Variants in ZNF627 observed in about 807,000 individuals in gnomAD.
ZNF627 encodes the protein zinc finger protein 627.
Under a neutral mutation model 10.6 loss-of-function variants are expected in ZNF627, and 12 were observed. That is an observed-to-expected ratio of 1.13 (90% CI 0.73 to 1.84). ZNF627 has a LOEUF of 1.84. Ranked by LOEUF, ZNF627 falls within the 40% of genes most tolerant of loss-of-function variation. ZNF627 has a pLI of 0.00. For missense variants in ZNF627, 504 were observed against 568.4 expected, an observed-to-expected ratio of 0.89 and a Z score of 1.15; for synonymous variants, 176 against 187.1, an observed-to-expected ratio of 0.94 and a Z score of 0.48.
rs1973888749 is a variant in ZNF627, at chr19:11,617,277, A to C, written c.774A>C (p.Lys258Asn). ...CCTATGAATGCAAGCAGTGTGGGAAAGCTTTCAGTTGTTCCAAGTACATTC... is the reference window on the plus strand; with the variant it reads ...CCTATGAATGCAAGCAGTGTGGGAACGCTTTCAGTTGTTCCAAGTACATTC... ...DKPYECKQCG[K>N]AFSCSKYIRI... The change falls in exon 4 of 4, where the codon AAA becomes AAC. Residue 258 changes from lysine to asparagine, a missense_variant. Physicochemically the swap from Lys to Asn is moderately conservative, Grantham distance 94. Transcript: ENST00000361113. 1 of 1,613,980 alleles carries C rather than the reference A, an allele frequency of 6.2e-7. No individual in the cohort carries two copies. Among genetic ancestry groups the C allele is most frequent in the East Asian group, 2.2e-5 (1 of 44,878 alleles).
At position 11,617,013 on chromosome 19, in the gene ZNF627, G is replaced by A. The variant is rs1274181600; in HGVS notation, c.510G>A (p.Lys170=). The change falls in exon 4 of 4, where the codon AAG becomes AAA. Residue 170 remains lysine, a synonymous_variant. Transcript: ENST00000361113. ...THPGGKPYDC[K]ECGETFISLV... is the part of the protein sequence containing the mutation. ...CTGGAGGAAAGCCCTATGATTGTAAGGAATGTGGAGAAACCTTTATTTCTC... is the reference window on the plus strand; with the variant it reads ...CTGGAGGAAAGCCCTATGATTGTAAAGAATGTGGAGAAACCTTTATTTCTC... 6.2e-7 allele frequency: 1 copy of A among 1,614,098 alleles called. No individual in the cohort carries two copies. Among genetic ancestry groups the A allele is most frequent in the East Asian group, 2.2e-5 (1 of 44,888 alleles).
At position 11,617,033 on chromosome 19, in the gene ZNF627, T is replaced by C. The variant is rs1973881699; in HGVS notation, c.530T>C (p.Ile177Thr). 1.2e-6 allele frequency: 2 copies of C among 1,614,060 alleles called. No individual in the cohort carries two copies. The highest frequency in any genetic ancestry group is 1.7e-6 in the Non-Finnish European group (2 of 1,179,972). Residue 177 changes from isoleucine to threonine, a missense_variant, in exon 4 of 4, where the codon ATT becomes ACT. Coordinates refer to ENST00000361113, the MANE Select transcript of ZNF627 (RefSeq NM_145295.4). Reference protein sequence around the residue: ...YDCKECGETFISLVSIRRHML... With the variant: ...YDCKECGETFTSLVSIRRHML... ...TGTAAGGAATGTGGAGAAACCTTTA[T>C]TTCTCTTGTAAGCATTCGAAGACAC... is the stretch of plus-strand genomic sequence containing the variant.
chr19:11,611,483 A>G (rs1973771160), intron 1 of ZNF627, among the ~76,000 whole-genome samples: 2 of 152,220 alleles, frequency 1.3e-5, no homozygotes, highest in Admixed American at 1.3e-4. Context: ...TTTTGATGAA[A>G]TAAAATTTGT....
chr19:11,616,633 A>G, intron 3 of ZNF627, 62 bp from the exon 4 acceptor site: 1 of 1,132,530 alleles, frequency 8.8e-7, no homozygotes, highest in Non-Finnish European at 1.2e-6. Flanking sequence ...AATACCTATT[A>G]ATAAATATAA....
chr19:11,599,396 A>T (rs1173603354), intron 1 of ZNF627, among the ~76,000 whole-genome samples: 1 of 152,214 alleles, frequency 6.6e-6, no homozygotes, highest in Non-Finnish European at 1.5e-5. Context: ...GGGGAAAAAC[A>T]GATATGATTC....
intron 1 of ZNF627, among the ~76,000 whole-genome samples, chr19:11,609,471 TTATATATATATATATATATATATATATA>T (rs1168205815): frequency 0.015 from 832 of 54,014 alleles, 43 homozygotes; most frequent in South Asian, 0.027. Context: ...TTAAAAAATT[TTATATATATATATATATATATATATATA>T]TATATATATA....
At chr19:11,615,613 A>G (rs1323857321) in intron 3 of ZNF627, among the ~76,000 whole-genome samples, 2 of 151,746 alleles carry the variant, frequency 1.3e-5, no homozygotes, top group Admixed American at 6.6e-5. Context: ...AAAAAAGAAA[A>G]AAAGAAAATC....
At chr19:11,613,916 A>ATTT (rs35877992) in intron 1 of ZNF627, among the ~76,000 whole-genome samples, 1 of 92,502 alleles carries the variant, frequency 1.1e-5, no homozygotes, top group Non-Finnish European at 2.0e-5. Flanking sequence ...TAGTTACTAG[A>ATTT]TTTTTTTTTT....
intron 1 of ZNF627, among the ~76,000 whole-genome samples, chr19:11,609,534 C>T (rs1195403485): frequency 2.6e-5 from 3 of 115,062 alleles, no homozygotes; most frequent in South Asian, 3.2e-4. Context: ...TTTTCCCCCC[C>T]GAGACTGAGT....
At chr19:11,615,794 T>C (rs1351870609) in intron 3 of ZNF627, among the ~76,000 whole-genome samples, 1 of 146,674 alleles carries the variant, frequency 6.8e-6, no homozygotes, top group Non-Finnish European at 1.5e-5. Context: ...CTTGGCTCAC[T>C]GCAACCTCCG....
intron 3 of ZNF627, 90 bp from the exon 4 acceptor site, chr19:11,616,605 A>G: frequency 2.3e-6 from 2 of 888,144 alleles, no homozygotes; most frequent in Non-Finnish European, 3.3e-6. Context: ...GTATTTAAAA[A>G]CAAGTATATG....
At position 11,614,657 on chromosome 19, in the gene ZNF627, A is replaced by G. The variant is rs1200386429; in HGVS notation, c.130+4A>G. On this transcript the variant is annotated splice_donor_region_variant and intron_variant, in intron 2 of 3. Coordinates refer to ENST00000361113, the MANE Select transcript of ZNF627 (RefSeq NM_145295.4). ...TTCAGGAACCTGGCTTCTGTAGGTAAGGGTGACAATATTCCTTTCCTCAGT... is the reference window on the plus strand; with the variant it reads ...TTCAGGAACCTGGCTTCTGTAGGTAGGGGTGACAATATTCCTTTCCTCAGT... 2.5e-6 allele frequency: 4 copies of G among 1,613,758 alleles called. No individual in the cohort carries two copies. Among genetic ancestry groups the G allele is most frequent in the Admixed American group, 1.7e-5 (1 of 59,974 alleles).
chr19:11,602,402 G>A (rs1050233093), intron 1 of ZNF627, among the ~76,000 whole-genome samples: 2 of 152,228 alleles, frequency 1.3e-5, no homozygotes, highest in Admixed American at 6.5e-5. Flanking sequence ...GTCATAATGA[G>A]AAGAGTGTTT....
At chr19:11,606,327 ACT>A (rs1011761744) in intron 1 of ZNF627, among the ~76,000 whole-genome samples, 1 of 150,092 alleles carries the variant, frequency 6.7e-6, no homozygotes, top group African/African-American at 2.5e-5. Flanking sequence ...ATAGAGCCAG[ACT>A]CTGTCTCAAA....
intron 1 of ZNF627, among the ~76,000 whole-genome samples, chr19:11,609,517 A>ATATATATATATATG (rs1973735189): frequency 1.0e-5 from 1 of 98,044 alleles, no homozygotes; most frequent in Non-Finnish European, 2.1e-5. Flanking sequence ...ATATATATAT[A>ATATATATATATATG]TGTATTTTTT....
chr19:11,614,973 A>G, intron 3 of ZNF627, 86 bp downstream of exon 3: 3 of 1,094,082 alleles, frequency 2.7e-6, no homozygotes, highest in Non-Finnish European at 3.9e-6. Context: ...TTTTAGATGA[A>G]GTCTCGCTCT....
chr19:11,610,485 C>A (rs1225361734), intron 1 of ZNF627, among the ~76,000 whole-genome samples: 7 of 151,928 alleles, frequency 4.6e-5, no homozygotes, highest in Non-Finnish European at 7.4e-5. Flanking sequence ...ACCTGCAGTC[C>A]CAGTTACTAT....
At chr19:11,600,089 G>A (rs752908130) in intron 1 of ZNF627, among the ~76,000 whole-genome samples, 1 of 152,078 alleles carries the variant, frequency 6.6e-6, no homozygotes, top group Non-Finnish European at 1.5e-5. Flanking sequence ...TTTGCAAAGA[G>A]GCAAGAAGGA....
chr19:11,608,235 G>A (rs577764693), intron 1 of ZNF627, among the ~76,000 whole-genome samples: 194 of 152,108 alleles, frequency 1.3e-3, no homozygotes, highest in Non-Finnish European at 2.3e-3. Flanking sequence ...ACCTCTCACC[G>A]GGTCCCTCCC....
Sources: gnomAD v4.1 joint callset for allele counts (sites outside exome capture counted in the v4.1 genomes callset) on GRCh38, gnomAD v4.1.1 for gene constraint, MANE v1.5 for transcripts, NCBI Gene and HGNC (gene_info 2026-07-23, HGNC 2026-07-21) for gene names.